The following GABRA3 variants were observed in gnomAD, a reference collection of about 807,000 sequenced individuals.
The protein encoded by GABRA3 is gamma-aminobutyric acid receptor subunit alpha-3.
A neutral mutation model predicts 30.1 loss-of-function variants in GABRA3; 10 were observed. The observed-to-expected ratio is 0.33, with a 90% confidence interval of 0.20 to 0.56. The LOEUF is 0.56. Ranked by LOEUF, GABRA3 falls within the 20% of genes least tolerant of loss-of-function variation. The pLI is 0.89. For synonymous variants in GABRA3, 151 were observed against 146.8 expected, an observed-to-expected ratio of 1.03 and a Z score of -0.21; for missense variants, 233 against 392.0, an observed-to-expected ratio of 0.59 and a Z score of 3.42.
chrX:152,173,573 A>G (rs1400280882), intron 9 of GABRA3, among the ~76,000 whole-genome samples: 2 of 110,503 alleles, frequency 1.8e-5, no homozygotes, highest in East Asian at 5.7e-4. Flanking sequence ...CAGCCTCCTG[A>G]GTAGCTGGGA....
intron 1 of GABRA3, among the ~76,000 whole-genome samples, chrX:152,403,895 A>C (rs1290873962): frequency 9.0e-6 from 1 of 111,563 alleles, no homozygotes; most frequent in East Asian, 2.8e-4. Flanking sequence ...GGGAGAAAGC[A>C]GAAGAGCCAA....
chrX:152,235,420 A>T (rs2124393325), intron 5 of GABRA3, among the ~76,000 whole-genome samples: 1 of 111,500 alleles, frequency 9.0e-6, no homozygotes, highest in South Asian at 3.7e-4. Flanking sequence ...ACAGACATCT[A>T]AATAGGAAAG....
intron 3 of GABRA3, among the ~76,000 whole-genome samples, chrX:152,311,794 C>A (rs1297233362): frequency 1.8e-5 from 2 of 109,097 alleles, no homozygotes. Context: ...TGATTCTATA[C>A]CTAGAAAACA....
At chrX:152,418,124 A>G (rs1156240005) in intron 1 of GABRA3, among the ~76,000 whole-genome samples, 6 of 111,628 alleles carry the variant, frequency 5.4e-5, no homozygotes, top group Admixed American at 1.9e-4. Context: ...TGTAACTAAT[A>G]GTACCGGCCA....
intron 3 of GABRA3, among the ~76,000 whole-genome samples, chrX:152,296,831 C>G (rs975923096): frequency 2.7e-5 from 3 of 109,766 alleles, no homozygotes; most frequent in Non-Finnish European, 3.8e-5. Context: ...TCCCAAGTAG[C>G]CGGGATTACA....
At chrX:152,233,747 G>A (rs370731352) in intron 5 of GABRA3, among the ~76,000 whole-genome samples, 2 of 104,346 alleles carry the variant, frequency 1.9e-5, no homozygotes, top group African/African-American at 7.0e-5. Flanking sequence ...ACATGCACAC[G>A]TATGTTTATT....
At chrX:152,305,161 C>A (rs772009997) in intron 3 of GABRA3, among the ~76,000 whole-genome samples, 1 of 110,859 alleles carries the variant, frequency 9.0e-6, no homozygotes, top group East Asian at 2.8e-4. Context: ...CTAATTAATA[C>A]AGAAACAGAA....
At chrX:152,349,304 A>G (rs1030793313) in intron 2 of GABRA3, among the ~76,000 whole-genome samples, 1 of 111,037 alleles carries the variant, frequency 9.0e-6, no homozygotes, top group African/African-American at 3.3e-5. Flanking sequence ...TCCTGAAGGA[A>G]GCGCTAAACA....
chrX:152,444,063 T>A (rs1931003600), intron 1 of GABRA3, among the ~76,000 whole-genome samples: 1 of 111,364 alleles, frequency 9.0e-6, no homozygotes, highest in Non-Finnish European at 1.9e-5. Context: ...ATTTTTTTTT[T>A]AAATGTCTCT....
At chrX:152,368,854 G>A (rs747284670) in intron 1 of GABRA3, among the ~76,000 whole-genome samples, 18 of 107,716 alleles carry the variant, frequency 1.7e-4, no homozygotes, top group South Asian at 4.1e-4. Context: ...TACAGGCACC[G>A]GCCACCACGC....
intron 5 of GABRA3, chrX:152,250,816 T>C (rs1416458973): frequency 8.2e-6 from 1 of 122,426 alleles, no homozygotes; most frequent in Non-Finnish European, 1.7e-5. Flanking sequence ...TGTCCTTCTG[T>C]AGTTTTCCCA....
intron 4 of GABRA3, among the ~76,000 whole-genome samples, chrX:152,270,176 T>C (rs896142593): frequency 3.6e-5 from 4 of 111,629 alleles, no homozygotes; most frequent in East Asian, 2.8e-4. Context: ...TGGGAGGTAA[T>C]TGAATTACAG....
chrX:152,394,397 G>C (rs1384922508), intron 1 of GABRA3: 3 of 384,814 alleles, frequency 7.8e-6, no homozygotes, highest in South Asian at 2.4e-5. Flanking sequence ...GAAGCAGATG[G>C]CAATGTTGCA....
intron 3 of GABRA3, among the ~76,000 whole-genome samples, chrX:152,285,368 T>TG (rs913150554): frequency 3.6e-5 from 4 of 111,556 alleles, no homozygotes; most frequent in East Asian, 2.8e-4. Flanking sequence ...AAATAATTTT[T>TG]GGGGGGGTTA....
intron 1 of GABRA3, among the ~76,000 whole-genome samples, chrX:152,392,505 G>A (rs1163150255): frequency 9.0e-6 from 1 of 111,718 alleles, no homozygotes; most frequent in Non-Finnish European, 1.9e-5. Context: ...TAGCTAAAGG[G>A]CATAAGCACA....
At position 152,362,077 on chromosome X, in the gene GABRA3, G is replaced by T. The variant is rs1928525145; in HGVS notation, c.140+2354C>A. On this transcript the variant is annotated intron_variant, in intron 2 of 9. Coordinates refer to ENST00000370314, the MANE Select transcript of GABRA3 (RefSeq NM_000808.4). ...GAACAAAAAGAGTCTTATATACCAA[G>T]ATTCTAAGGATATACAAGCCCAGTT... Among the ~76,000 whole-genome samples, 3 of 110,802 alleles carry T rather than the reference G, an allele frequency of 2.7e-5. No homozygotes were observed. In the South Asian group the frequency reaches 1.1e-3, roughly 42 times the overall value.
chrX:152,183,337 G>T (rs899892354), intron 9 of GABRA3, among the ~76,000 whole-genome samples: 3 of 110,418 alleles, frequency 2.7e-5, no homozygotes, highest in Non-Finnish European at 5.7e-5. Flanking sequence ...TTATCAGTTT[G>T]TTGGCATACA....
At chrX:152,218,013 T>C (rs1317974456) in intron 6 of GABRA3, among the ~76,000 whole-genome samples, 2 of 108,531 alleles carry the variant, frequency 1.8e-5, no homozygotes, top group African/African-American at 6.6e-5. Context: ...GCTTTGGATT[T>C]AGTTTGGTCT....
chrX:152,207,427 G>C (rs2124365460), intron 7 of GABRA3, among the ~76,000 whole-genome samples: 1 of 111,774 alleles, frequency 8.9e-6, no homozygotes, highest in Non-Finnish European at 1.9e-5. Context: ...TAAGGCCACA[G>C]AACAAAACTC....
Sources: gnomAD v4.1 joint callset for allele counts (sites outside exome capture counted in the v4.1 genomes callset) on GRCh38, gnomAD v4.1.1 for gene constraint, MANE v1.5 for transcripts, NCBI Gene and HGNC (gene_info 2026-07-23, HGNC 2026-07-21) for gene names.